The following SCAND1 variants were observed in gnomAD, a reference collection of about 807,000 sequenced individuals.
SCAND1 encodes SCAN domain containing 1.
Under a neutral mutation model 3.4 loss-of-function variants are expected in SCAND1, and 3 were observed. That is an observed-to-expected ratio of 0.87 (90% CI 0.40 to 2.25). The LOEUF (loss-of-function observed/expected upper bound fraction) is 2.25, where lower values mean the gene tolerates loss of function less well. Ranked by LOEUF, SCAND1 falls within the 30% of genes most tolerant of loss-of-function variation. SCAND1 has a pLI of 0.05. For missense variants in SCAND1, 303 were observed against 258.8 expected, an observed-to-expected ratio of 1.17 and a Z score of -1.17; for synonymous variants, 152 against 120.5, an observed-to-expected ratio of 1.26 and a Z score of -1.72.
At chr20:35,955,274 A>G (rs2056242957), upstream of SCAND1, 1 of 152,470 alleles carries the variant, frequency 6.6e-6, no homozygotes, top group African/African-American at 2.4e-5. Context: ...GAAAAAACTG[A>G]TGTAAAAATT....
At chr20:35,958,454 T>C (rs2056278956), upstream of SCAND1, among the ~76,000 whole-genome samples, 1 of 152,180 alleles carries the variant, frequency 6.6e-6, no homozygotes, top group Non-Finnish European at 1.5e-5. Flanking sequence ...AAGTTTTTTA[T>C]TTGGAAATAA....
chr20:35,954,101 G>C lies in SCAND1; in HGVS notation c.184C>G (p.Pro62Ala). The C allele has an allele frequency of 6.5e-7, 1 of 1,539,988 alleles. No individual in the cohort carries two copies. ...GCGGAGGCCGCAGCTCGGGGCGTAG[G>C]GATGGCTTCAGGGACCGCGGCGTTG... is the stretch of plus-strand genomic sequence containing the variant. Reference protein sequence around the residue: ...SPNAAVPEAIPTPRAAASAAL... With the variant: ...SPNAAVPEAIATPRAAASAAL... The change falls in exon 2 of 2, where the codon CCT becomes GCT. Residue 62 changes from proline to alanine, a missense_variant. Coordinates refer to ENST00000305978, the MANE Select transcript of SCAND1 (RefSeq NM_033630.3).
In SCAND1 at chr20:35,954,039, G is replaced by T; in HGVS notation, c.246C>A (p.Ser82Arg). The change falls in exon 2 of 2, where the codon AGC (serine) becomes AGA (arginine). Residue 82 changes from serine (S) to arginine (R), a missense_variant. Ser to Arg is a moderately radical substitution (Grantham distance 110). Transcript: ENST00000305978. ...CTTCAGCTTCGGCCTGAGGCGCTAC[G>T]CTCACGGGTGCGGGCCCGAGAGGCA... is the stretch of plus-strand genomic sequence containing the variant. ...LELPLGPAPV[S>R]VAPQAEAEAR... 6.5e-7 allele frequency: 1 copy of T among 1,542,026 alleles called. No homozygotes were observed.
In SCAND1 at chr20:35,953,870, G is replaced by A. The variant is rs1314193133; in HGVS notation, c.415C>T (p.Pro139Ser). The A allele has an allele frequency of 1.3e-6, 2 of 1,591,566 alleles. No homozygotes were observed. Among genetic ancestry groups the A allele is most frequent in the South Asian group, 1.1e-5 (1 of 88,834 alleles). ...LRELSRQWLR[P>S]DIRTKEQIVE... ...ATCTGCTCCTTGGTGCGGATGTCAG[G>A]CCGCAGCCACTGGCGGGACAGCTCC... Residue 139 changes from proline (P) to serine (S), a missense_variant, in exon 2 of 2, where the codon CCT (proline) becomes TCT (serine). Transcript: ENST00000305978.
upstream of SCAND1, among the ~76,000 whole-genome samples, chr20:35,958,666 C>G (rs1242984708): frequency 6.6e-6 from 1 of 151,842 alleles, no homozygotes; most frequent in Non-Finnish European, 1.5e-5. Context: ...GTGTGTAGGT[C>G]TATGCAATTT....
At chr20:35,955,210 C>A (rs2056241876), upstream of SCAND1, 1 of 158,544 alleles carries the variant, frequency 6.3e-6, no homozygotes, top group Non-Finnish European at 1.5e-5. Flanking sequence ...GTTGATAACC[C>A]TCGAAATATA....
upstream of SCAND1, chr20:35,954,543 C>A: frequency 6.6e-7 from 1 of 1,505,032 alleles, no homozygotes; most frequent in South Asian, 1.2e-5. Context: ...CGCTTGCGGG[C>A]TCCCGGAAGC....
chr20:35,957,308 C>T (rs756625636), upstream of SCAND1, among the ~76,000 whole-genome samples: 1 of 152,104 alleles, frequency 6.6e-6, no homozygotes, highest in Non-Finnish European at 1.5e-5. Context: ...AGTAGTTGGC[C>T]GGGCGCGGTG....
At chr20:35,959,372 G>A (rs1365164572), upstream of SCAND1, 1 of 152,182 alleles carries the variant, frequency 6.6e-6, no homozygotes, top group East Asian at 1.9e-4. Flanking sequence ...ACATACCCAA[G>A]ACTGGGTAAT....
At chr20:35,954,542 G>T (rs545354984), upstream of SCAND1, 16 of 1,504,716 alleles carry the variant, frequency 1.1e-5, no homozygotes, top group South Asian at 1.9e-4. Context: ...CCGCTTGCGG[G>T]CTCCCGGAAG....
At chr20:35,958,751 A>G (rs1040497618), upstream of SCAND1, 3 of 152,160 alleles carry the variant, frequency 2.0e-5, no homozygotes, top group African/African-American at 4.8e-5. Context: ...CCCTCGTGCT[A>G]TCTCTTTATA....
upstream of SCAND1, among the ~76,000 whole-genome samples, chr20:35,955,836 C>A (rs1477208065): frequency 3.3e-5 from 5 of 152,160 alleles, no homozygotes; most frequent in East Asian, 9.6e-4. Flanking sequence ...TCTCCTCCCT[C>A]CGCCTCCCGA....
upstream of SCAND1, chr20:35,954,680 C>A (rs2056232605): frequency 8.4e-7 from 1 of 1,191,138 alleles, no homozygotes; most frequent in Non-Finnish European, 1.1e-6. Context: ...GAGGAGGAGT[C>A]GGAGGAGGAG....
At position 35,954,359 on chromosome 20, in the gene SCAND1, G is replaced by A. The variant is rs1255625687; in HGVS notation, c.-55-20C>T. The stretch of plus-strand genomic sequence containing the variant: ...CTGCGTCTGCGCGGGGGTGGGGTGA[G>A]CAGGGAGACGTTTCCGGTTAAAGGG... On this transcript the variant is annotated intron_variant, in intron 1 of 1. Transcript: ENST00000305978. 1.9e-6 allele frequency: 3 copies of A among 1,598,380 alleles called. No individual in the cohort carries two copies. The highest frequency in any genetic ancestry group is 1.7e-6 in the Non-Finnish European group (2 of 1,172,488).
At chr20:35,954,949 C>T (rs1325468978), upstream of SCAND1, 2 of 221,496 alleles carry the variant, frequency 9.0e-6, no homozygotes, top group Admixed American at 5.3e-5. Context: ...AGTCCTCTCG[C>T]TTGGTCAAAC....
At chr20:35,959,089 G>A (rs1282569799), upstream of SCAND1, 1 of 152,210 alleles carries the variant, frequency 6.6e-6, no homozygotes, top group Non-Finnish European at 1.5e-5. Flanking sequence ...GTTATTTTAT[G>A]ACATGGCTTT....
upstream of SCAND1, chr20:35,957,604 C>G (rs201015531): frequency 9.9e-5 from 15 of 152,190 alleles, no homozygotes; most frequent in African/African-American, 3.1e-4. Flanking sequence ...GCCTCTTCTT[C>G]GAAAAGGGAT....
chr20:35,957,002 G>C (rs752761051), upstream of SCAND1, among the ~76,000 whole-genome samples: 4 of 152,146 alleles, frequency 2.6e-5, no homozygotes, highest in Non-Finnish European at 5.9e-5. Context: ...AGAATTCCAT[G>C]TTTAAAATTT....
chr20:35,956,001 G>A (rs1286636615), upstream of SCAND1, among the ~76,000 whole-genome samples: 2 of 152,166 alleles, frequency 1.3e-5, no homozygotes, highest in Admixed American at 1.3e-4. Flanking sequence ...CATTACAGGC[G>A]TGAGCCACCG....
Sources: allele counts gnomAD v4.1 joint callset (sites outside exome capture counted in the v4.1 genomes callset), GRCh38; gene constraint gnomAD v4.1.1; transcripts MANE v1.5; gene names NCBI Gene and HGNC (gene_info 2026-07-23, HGNC 2026-07-21).